The following GMDS variants were observed in gnomAD, a reference collection of about 807,000 sequenced individuals.
GMDS encodes GDP-mannose 4,6 dehydratase.
In GMDS, 20 loss-of-function variants were observed where a neutral mutation model predicts 49.9. The ratio of observed to expected loss-of-function variants is 0.40; its 90% CI spans 0.28 to 0.58. The LOEUF (loss-of-function observed/expected upper bound fraction) is 0.58. Among genes scored for constraint, GMDS ranks in the 20% least tolerant of loss-of-function variants. The pLI is 0.42. For synonymous variants in GMDS, 177 were observed against 178.6 expected (o/e 0.99, Z 0.07); for missense variants, 362 against 481.4 (o/e 0.75, Z 2.32).
At chr6:1,827,076 ATATGTGTG>A (rs779506839) in intron 7 of GMDS, among the ~76,000 whole-genome samples, 19,172 of 111,072 alleles carry the variant, frequency 0.17, 1,343 homozygotes, top group Middle Eastern at 0.25. Flanking sequence ...AAAAAAATAT[ATATGTGTG>A]TGTGTGTGTG....
chr6:2,124,951 A>C (rs1167290623), intron 1 of GMDS, among the ~76,000 whole-genome samples: 1 of 152,240 alleles, frequency 6.6e-6, no homozygotes, highest in Non-Finnish European at 1.5e-5. Context: ...TCCACAGAAG[A>C]CAGAGGATGA....
intron 7 of GMDS, among the ~76,000 whole-genome samples, chr6:1,784,353 C>A (rs1769227905): frequency 7.4e-6 from 1 of 136,032 alleles, no homozygotes; most frequent in South Asian, 2.3e-4. Context: ...GATCACGCCA[C>A]TGCACTCCAG....
intron 9 of GMDS, among the ~76,000 whole-genome samples, chr6:1,688,343 G>A (rs1765057101): frequency 6.6e-6 from 1 of 152,220 alleles, no homozygotes; most frequent in Non-Finnish European, 1.5e-5. Flanking sequence ...ACAGATGAAC[G>A]ACGGCTCGTG....
At chr6:1,804,723 GT>G (rs1043479269) in intron 7 of GMDS, among the ~76,000 whole-genome samples, 31 of 149,322 alleles carry the variant, frequency 2.1e-4, no homozygotes, top group East Asian at 5.8e-4. Context: ...TTATCAATAG[GT>G]TTTTTTTTTA....
At position 1,778,984 on chromosome 6, in the gene GMDS, G is replaced by A. The variant is rs140392001; in HGVS notation, c.772-36398C>T. On this transcript the variant is annotated intron_variant, in intron 7 of 10. Transcript: ENST00000380815. This position sits in a 1 kb window ranked among gnomAD's most constrained non-coding sequence, Gnocchi z 4.6. The stretch of plus-strand genomic sequence containing the variant: ...TACCCCATCATCTCGCAGTGCTGGC[G>A]TGGCCTCCCATGCTGATCCCTGGAC... Among the ~76,000 whole-genome samples, 139 of 152,208 alleles carry A rather than the reference G, an allele frequency of 9.1e-4. 2 individuals carry two copies. In the East Asian group the frequency reaches 0.023, roughly 25 times the overall value.
intron 1 of GMDS, among the ~76,000 whole-genome samples, chr6:2,235,682 C>T (rs2127598037): frequency 6.6e-6 from 1 of 151,756 alleles, no homozygotes; most frequent in East Asian, 1.9e-4. Flanking sequence ...CATAGTGGTG[C>T]ACATCTGTGA....
At chr6:1,694,151 T>C (rs1047422798) in intron 9 of GMDS, among the ~76,000 whole-genome samples, 6 of 152,216 alleles carry the variant, frequency 3.9e-5, no homozygotes, top group African/African-American at 1.2e-4. Context: ...AGCATAATGA[T>C]GCCAATTACT....
At chr6:1,700,191 GCTT>G (rs1765495895) in intron 9 of GMDS, among the ~76,000 whole-genome samples, 1 of 152,108 alleles carries the variant, frequency 6.6e-6, no homozygotes, top group Non-Finnish European at 1.5e-5. Flanking sequence ...AAGTCTTCAT[GCTT>G]CTTCTAATTT....
At chr6:1,871,616 A>G (rs530037575) in intron 7 of GMDS, among the ~76,000 whole-genome samples, 2 of 152,350 alleles carry the variant, frequency 1.3e-5, no homozygotes, top group South Asian at 2.1e-4. Context: ...CCAATTTTAT[A>G]ATAGAAAAAC....
At chr6:1,958,436 A>C (rs558650470) in intron 6 of GMDS, among the ~76,000 whole-genome samples, 1 of 152,246 alleles carries the variant, frequency 6.6e-6, no homozygotes, top group East Asian at 1.9e-4. Context: ...TGCTGCAGGC[A>C]ACCACAGCTA....
chr6:1,762,925 T>C (rs572704540), intron 7 of GMDS, among the ~76,000 whole-genome samples: 6 of 152,320 alleles, frequency 3.9e-5, no homozygotes, highest in South Asian at 2.1e-4. Context: ...AGAATAGCAA[T>C]TGAATGTTTG....
intron 7 of GMDS, among the ~76,000 whole-genome samples, chr6:1,775,152 C>T (rs1768744656): frequency 6.6e-6 from 1 of 152,174 alleles, no homozygotes; most frequent in African/African-American, 2.4e-5. Context: ...GAGAATTATG[C>T]TAGCAAGCGC....
chr6:2,073,374 T>C (rs1178980641), intron 4 of GMDS, among the ~76,000 whole-genome samples: 1 of 152,224 alleles, frequency 6.6e-6, no homozygotes, highest in Non-Finnish European at 1.5e-5. Context: ...AAAACTTTTG[T>C]TGATACATAT....
rs767828300 is a variant in GMDS at position 2,165,396 on chromosome 6, AG to A, written c.103-40666del. 8.7e-4 allele frequency among the ~76,000 whole-genome samples: 132 copies of A among 152,362 alleles called. 2 individuals are homozygous for A. In the Middle Eastern group the frequency reaches 0.031, roughly 35 times the overall value. Reference sequence around the variant, plus strand: ...TCACTTTGAGTCCAAAGGGAGGAGAAGACCCATGTCCCAGCTCATGGATATC... The same window carrying A: ...TCACTTTGAGTCCAAAGGGAGGAGAAACCCATGTCCCAGCTCATGGATATC... On this transcript the variant is annotated intron_variant, in intron 1 of 10. Coordinates refer to ENST00000380815, the MANE Select transcript of GMDS (RefSeq NM_001500.4).
In GMDS at chr6:2,225,673, C is replaced by A. The variant is rs569423489; in HGVS notation, c.102+19648G>T. 5.5e-3 allele frequency among the ~76,000 whole-genome samples: 833 copies of A among 152,260 alleles called. 2 individuals carry two copies. The highest frequency in any genetic ancestry group is 0.017 in the Middle Eastern group (5 of 294). On this transcript the variant is annotated intron_variant, in intron 1 of 10. Coordinates refer to ENST00000380815, the MANE Select transcript of GMDS (RefSeq NM_001500.4). ...TTACAGCACAAAGGAAGTAAAAAGC[C>A]TTTGTGATTATCCAGTAAGCTAGGG... is the stretch of plus-strand genomic sequence containing the variant.
intron 7 of GMDS, among the ~76,000 whole-genome samples, chr6:1,777,841 A>G (rs1239115173): frequency 6.6e-6 from 1 of 152,238 alleles, no homozygotes; most frequent in African/African-American, 2.4e-5. Context: ...GAACCAGGGA[A>G]TTAAAAGCTT....
chr6:1,751,472 A>T (rs535352597), intron 7 of GMDS, among the ~76,000 whole-genome samples: 1 of 152,228 alleles, frequency 6.6e-6, no homozygotes, highest in Admixed American at 6.5e-5. Flanking sequence ...GCAGACCTGC[A>T]GCAGAGGGAC....
intron 4 of GMDS, among the ~76,000 whole-genome samples, chr6:2,071,247 T>A (rs1271094778): frequency 6.6e-6 from 1 of 152,196 alleles, no homozygotes; most frequent in African/African-American, 2.4e-5. Context: ...AATCAGAAAT[T>A]TTTAAGATAA....
intron 7 of GMDS, among the ~76,000 whole-genome samples, chr6:1,889,266 C>G (rs1354682767): frequency 6.6e-6 from 1 of 152,168 alleles, no homozygotes; most frequent in African/African-American, 2.4e-5. Flanking sequence ...CTCAGTGGCT[C>G]GTTGAGTCAT....
Sources: gnomAD v4.1 joint callset for allele counts (sites outside exome capture counted in the v4.1 genomes callset) on GRCh38, gnomAD v4.1.1 for gene constraint, Gnocchi (gnomAD v3.1) non-coding constraint, MANE v1.5 for transcripts, NCBI Gene and HGNC (gene_info 2026-07-23, HGNC 2026-07-21) for gene names.